The following TENM3 variants were observed in gnomAD, a reference collection of about 807,000 sequenced individuals.
TENM3 encodes teneurin transmembrane protein 3.
Under a neutral mutation model 255.1 loss-of-function variants are expected in TENM3, and 63 were observed. The observed-to-expected ratio is 0.25, with a 90% CI of 0.20 to 0.30. The LOEUF is 0.30. TENM3 is among the 10% of genes least tolerant of loss of function. The pLI is 1.00. For synonymous variants in TENM3, 1,306 were observed against 1,322.3 expected (o/e 0.99, Z 0.27); for missense variants, 2,929 against 3,461.1 (o/e 0.85, Z 3.86).
intron 1 of TENM3, among the ~76,000 whole-genome samples, chr4:182,279,192 T>A (rs1035245182): frequency 1.3e-5 from 2 of 152,228 alleles, no homozygotes; most frequent in African/African-American, 2.4e-5. Context: ...AGCTCTTTCA[T>A]CAGAGCAAGG....
chr4:182,217,009 CTTTTTTTTTTTTTTTTTT>C (rs3071526), intron 1 of TENM3, among the ~76,000 whole-genome samples: 4,360 of 67,984 alleles, frequency 0.064, 278 homozygotes, highest in African/African-American at 0.22. Flanking sequence ...CATTTTCTTT[CTTTTTTTTTTTTTTTTTT>C]TTTTTTTTTT....
chr4:181,645,552 A>G, the TENM3 span, among the ~76,000 whole-genome samples: 1 of 152,188 alleles, frequency 6.6e-6, no homozygotes, highest in African/African-American at 2.4e-5. Flanking sequence ...AACTTGGGTT[A>G]CCCTTTACTA....
chr4:182,199,720 CTTTTTTTTTTTTT>C (rs367906246), intron 1 of TENM3, among the ~76,000 whole-genome samples: 1 of 104,854 alleles, frequency 9.5e-6, no homozygotes, highest in Non-Finnish European at 1.8e-5. Flanking sequence ...AACATCATTG[CTTTTTTTTTTTTT>C]TTTTTTTTTT....
intron 3 of TENM3, among the ~76,000 whole-genome samples, chr4:182,361,616 T>C (rs1367369258): frequency 6.6e-6 from 1 of 151,876 alleles, no homozygotes; most frequent in African/African-American, 2.4e-5. Context: ...TAGTTATACA[T>C]TCGTCTAAAT....
intron 1 of TENM3, among the ~76,000 whole-genome samples, chr4:182,155,168 C>T (rs1025911837): frequency 2.6e-5 from 4 of 152,032 alleles, no homozygotes; most frequent in Non-Finnish European, 5.9e-5. Flanking sequence ...ACAAGTAATG[C>T]CACCTAAAAA....
intron 1 of TENM3, among the ~76,000 whole-genome samples, chr4:182,168,687 A>G (rs917089784): frequency 1.3e-5 from 2 of 152,228 alleles, no homozygotes; most frequent in Non-Finnish European, 2.9e-5. Context: ...AAATTATTAT[A>G]CTGTATATAA....
At chr4:182,398,349 C>T (rs920562958) in intron 3 of TENM3, among the ~76,000 whole-genome samples, 12 of 152,126 alleles carry the variant, frequency 7.9e-5, no homozygotes, top group Admixed American at 2.0e-4. Context: ...CACACATGCA[C>T]CCCACACCTC....
chr4:182,299,000 A>AAAAAAAAAAAAAAAAAAAAAC (rs1761677529), intron 1 of TENM3, among the ~76,000 whole-genome samples: 1 of 114,526 alleles, frequency 8.7e-6, no homozygotes, highest in African/African-American at 3.8e-5. Context: ...AAAAAAAAAA[A>AAAAAAAAAAAAAAAAAAAAAC]AAAAAAAAAA....
chr4:181,564,224 C>T, the TENM3 span, among the ~76,000 whole-genome samples: 10 of 151,764 alleles, frequency 6.6e-5, no homozygotes, highest in Admixed American at 5.2e-4. Context: ...TGAGGTTCCA[C>T]CATGTTGTCC....
chr4:182,749,849 G>A (rs1489452089), intron 19 of TENM3, among the ~76,000 whole-genome samples: 1 of 152,134 alleles, frequency 6.6e-6, no homozygotes, highest in Non-Finnish European at 1.5e-5. Flanking sequence ...AATCAGGGAG[G>A]TAGGAAAGAC....
chr4:182,502,477 T>G (rs1736410426), intron 3 of TENM3, among the ~76,000 whole-genome samples: 1 of 152,208 alleles, frequency 6.6e-6, no homozygotes, highest in Admixed American at 6.5e-5. Flanking sequence ...TTCTCCAGTT[T>G]ACAGTTTTCT....
At chr4:181,775,817 A>G in the TENM3 span, among the ~76,000 whole-genome samples, 5 of 152,258 alleles carry the variant, frequency 3.3e-5, 1 homozygote, top group South Asian at 8.3e-4. Flanking sequence ...GTACATATTT[A>G]TGGGGGTACA....
the TENM3 span, among the ~76,000 whole-genome samples, chr4:182,109,874 C>T: frequency 6.6e-6 from 1 of 152,166 alleles, no homozygotes; most frequent in Non-Finnish European, 1.5e-5. Context: ...AACTATGGCC[C>T]ATGTGCCAAA....
chr4:181,686,256 A>C, the TENM3 span, among the ~76,000 whole-genome samples: 1 of 152,162 alleles, frequency 6.6e-6, no homozygotes, highest in Non-Finnish European at 1.5e-5. Flanking sequence ...TTTCAGTTAA[A>C]TGTTTTAGGA....
At chr4:182,156,333 T>G (rs13143501) in intron 1 of TENM3, among the ~76,000 whole-genome samples, 1 of 152,246 alleles carries the variant, frequency 6.6e-6, no homozygotes, top group South Asian at 2.1e-4. Flanking sequence ...CTGTGAATCG[T>G]TTTTTTCTTT....
At chr4:182,236,878 A>G (rs1360842084) in intron 1 of TENM3, among the ~76,000 whole-genome samples, 2 of 152,220 alleles carry the variant, frequency 1.3e-5, no homozygotes, top group African/African-American at 4.8e-5. Context: ...CACATGCAGG[A>G]CATGCAGTTT....
intron 12 of TENM3, among the ~76,000 whole-genome samples, chr4:182,698,883 T>G (rs1387842110): frequency 6.6e-6 from 1 of 152,208 alleles, no homozygotes; most frequent in Non-Finnish European, 1.5e-5. Context: ...TTTTCCATAC[T>G]TTAGAAAAGG....
the TENM3 span, among the ~76,000 whole-genome samples, chr4:181,698,956 A>G: frequency 1.3e-5 from 2 of 152,222 alleles, no homozygotes; most frequent in Non-Finnish European, 2.9e-5. Flanking sequence ...TTTTTAAAAG[A>G]AAACACAGAC....
chr4:181,991,597 C>T, the TENM3 span, among the ~76,000 whole-genome samples: 1 of 152,118 alleles, frequency 6.6e-6, no homozygotes, highest in Non-Finnish European at 1.5e-5. Flanking sequence ...TTGGTGGTCT[C>T]AGTCTAATTC....
Sources: allele counts gnomAD v4.1 joint callset (sites outside exome capture counted in the v4.1 genomes callset), GRCh38; gene constraint gnomAD v4.1.1; transcripts MANE v1.5; gene names NCBI Gene and HGNC (gene_info 2026-07-23, HGNC 2026-07-21).